Variants in GRIP1 observed in about 807,000 individuals in gnomAD.
GRIP1 encodes the protein glutamate receptor interacting protein 1.
GRIP1 carries 45 observed loss-of-function variants against 129.9 expected under a neutral mutation model. That is an observed-to-expected ratio of 0.35 (90% CI 0.27 to 0.44). GRIP1 has a LOEUF of 0.44. GRIP1 is among the 20% of genes least tolerant of loss of function. GRIP1 has a pLI of 1.00. For synonymous variants in GRIP1, 530 were observed against 520.8 expected, an observed-to-expected ratio of 1.02 and a Z score of -0.24; for missense variants, 1,196 against 1,396.8, an observed-to-expected ratio of 0.86 and a Z score of 2.29.
intron 1 of GRIP1, among the ~76,000 whole-genome samples, chr12:67,062,404 A>C (rs1330119908): frequency 6.6e-6 from 1 of 152,180 alleles, no homozygotes; most frequent in African/African-American, 2.4e-5. Context: ...GCTTTGGAAC[A>C]TACCATGCTC....
At chr12:66,960,039 G>C (rs943079595) in intron 1 of GRIP1, among the ~76,000 whole-genome samples, 4 of 152,172 alleles carry the variant, frequency 2.6e-5, no homozygotes, top group African/African-American at 9.7e-5. Context: ...GATGTAGGAA[G>C]AAATATATGG....
Position 66,349,299 on chromosome 12 carries a change from A to G in GRIP1, c.3160-53T>C. ...ATTATCGTTGTAACCATAATTCCCA[A>G]AACCCGGAGTAACATTTCAGGTGCA... On this transcript the variant is annotated intron_variant, in intron 24 of 24. Transcript: ENST00000359742. 3.5e-6 allele frequency: 5 copies of G among 1,414,724 alleles called. No homozygotes were observed. The South Asian group carries it at 4.6e-5, about 13-fold the overall frequency. 87.6% of individuals were successfully genotyped at this position (1,414,724 alleles called of 1,614,324 possible). A position where few individuals can be genotyped will look rare whatever the true frequency, so the allele number is the denominator to read the frequency against.
At position 66,602,848 on chromosome 12, in the gene GRIP1, C is replaced by CTTTTTTTTTT. The variant is rs71436016; in HGVS notation, c.56-5931_56-5922dup. Among the ~76,000 whole-genome samples the CTTTTTTTTTT allele has an allele frequency of 2.7e-4, 19 of 71,662 alleles. 1 individual carries two copies. The highest frequency in any genetic ancestry group is 6.0e-4 in the South Asian group (1 of 1,656). The allele number at this position is 71,662 out of a possible 152,430, so 47.0% of individuals were successfully genotyped here. On this transcript the variant is annotated intron_variant, in intron 1 of 24. Transcript: ENST00000359742. ...ATTCCTAAAGGGACCAGATCTTTTGCTTTTTTTTTTTTTTTTTTTTTTTTT... is the reference window on the plus strand; with the variant it reads ...ATTCCTAAAGGGACCAGATCTTTTGCTTTTTTTTTTTTTTTTTTTTTTTTTTTTTTTTTTT...
intron 1 of GRIP1, among the ~76,000 whole-genome samples, chr12:66,742,400 C>CAGCT (rs751437410): frequency 2.6e-4 from 39 of 152,276 alleles, no homozygotes; most frequent in Middle Eastern, 6.8e-3. Context: ...TTGCTACACG[C>CAGCT]AGCTATGCCA....
chr12:66,449,135 G>A (rs1260962349), intron 11 of GRIP1, among the ~76,000 whole-genome samples: 1 of 152,016 alleles, frequency 6.6e-6, no homozygotes, highest in African/African-American at 2.4e-5. Context: ...CTAATACATG[G>A]TCCCGTTTCA....
At chr12:66,882,186 A>G (rs966056555) in intron 1 of GRIP1, among the ~76,000 whole-genome samples, 7 of 138,270 alleles carry the variant, frequency 5.1e-5, no homozygotes, top group Non-Finnish European at 1.1e-4. Context: ...CCCGTGCCCC[A>G]TGTAAACACA....
At chr12:66,605,991 T>C (rs968691925) in intron 1 of GRIP1, among the ~76,000 whole-genome samples, 4 of 152,074 alleles carry the variant, frequency 2.6e-5, no homozygotes, top group African/African-American at 9.7e-5. Context: ...CTTCCCAGGG[T>C]CATTGATTTG....
intron 1 of GRIP1, among the ~76,000 whole-genome samples, chr12:66,710,715 T>C (rs187151789): frequency 5.3e-5 from 8 of 152,018 alleles, no homozygotes; most frequent in African/African-American, 1.7e-4. Flanking sequence ...TTAACATAAA[T>C]AATGCAAGAT....
chr12:66,569,572 A>G (rs111568550), intron 2 of GRIP1, among the ~76,000 whole-genome samples: 3 of 152,186 alleles, frequency 2.0e-5, no homozygotes, highest in African/African-American at 4.8e-5. Flanking sequence ...GGAGGCAAGG[A>G]AAGTGTGACA....
intron 2 of GRIP1, among the ~76,000 whole-genome samples, chr12:66,573,354 A>C (rs1465881802): frequency 1.3e-5 from 2 of 152,148 alleles, no homozygotes. Flanking sequence ...AAAGGACCAG[A>C]TGAGCCGTGC....
At chr12:66,412,313 T>C (rs530705995) in intron 15 of GRIP1, among the ~76,000 whole-genome samples, 1 of 152,298 alleles carries the variant, frequency 6.6e-6, no homozygotes, top group African/African-American at 2.4e-5. Context: ...CCAGAAGAGT[T>C]TGGGGGCCAA....
chr12:66,591,749 T>C (rs1198782770), intron 2 of GRIP1, among the ~76,000 whole-genome samples: 1 of 152,014 alleles, frequency 6.6e-6, no homozygotes, highest in African/African-American at 2.4e-5. Context: ...CCTACCTCAA[T>C]GTCCTGAGTA....
chr12:66,477,075 A>C (rs2059639414), intron 7 of GRIP1, among the ~76,000 whole-genome samples: 1 of 152,212 alleles, frequency 6.6e-6, no homozygotes, highest in Non-Finnish European at 1.5e-5. Context: ...TTAGGAAAAG[A>C]GGAAGTCAAA....
chr12:66,648,779 CA>C (rs917869726), intron 1 of GRIP1, among the ~76,000 whole-genome samples: 4 of 152,192 alleles, frequency 2.6e-5, no homozygotes, highest in African/African-American at 9.7e-5. Context: ...TATGCTTCCA[CA>C]GCTCAAAGTC....
At chr12:66,527,533 G>A (rs2061292614) in intron 5 of GRIP1, among the ~76,000 whole-genome samples, 1 of 151,992 alleles carries the variant, frequency 6.6e-6, no homozygotes, top group Admixed American at 6.6e-5. Flanking sequence ...GTGGGGTGTG[G>A]GGATGGGGGA....
intron 1 of GRIP1, among the ~76,000 whole-genome samples, chr12:66,927,584 T>C (rs755121148): frequency 2.0e-5 from 3 of 152,146 alleles, no homozygotes; most frequent in Non-Finnish European, 4.4e-5. Context: ...GGGAAGGAAA[T>C]TGCCACTCCA....
chr12:66,673,211 A>G (rs2034164251), intron 1 of GRIP1, among the ~76,000 whole-genome samples: 1 of 152,178 alleles, frequency 6.6e-6, no homozygotes, highest in Non-Finnish European at 1.5e-5. Flanking sequence ...TTTCATCTGT[A>G]TGGTGGGGAT....
At chr12:67,058,288 A>G (rs948745151) in intron 1 of GRIP1, among the ~76,000 whole-genome samples, 3 of 152,238 alleles carry the variant, frequency 2.0e-5, no homozygotes, top group African/African-American at 7.2e-5. Context: ...CCTTAAAAAG[A>G]CATAAATCCT....
At chr12:67,069,148 C>T (rs933106052) in exon 1 of GRIP1, 1 of 981,460 alleles carries the variant, frequency 1.0e-6, no homozygotes, top group African/African-American at 1.8e-5. Context: ...CGCTCTTTCT[C>T]GCTGGCTCTC....
Sources: allele counts gnomAD v4.1 joint callset (sites outside exome capture counted in the v4.1 genomes callset), GRCh38; gene constraint gnomAD v4.1.1; transcripts MANE v1.5; gene names NCBI Gene and HGNC (gene_info 2026-07-23, HGNC 2026-07-21).